Variants in TCEA3 observed in about 807,000 individuals in gnomAD.
TCEA3 encodes the protein transcription elongation factor A protein 3.
TCEA3 carries 36 observed loss-of-function variants against 44.0 expected under a neutral mutation model. The observed-to-expected ratio is 0.82, with a 90% CI of 0.63 to 1.08. TCEA3 has a LOEUF of 1.08. Among genes scored for constraint, TCEA3 ranks in the 50% least tolerant of loss-of-function variants. TCEA3 has a pLI of 0.00. For synonymous variants in TCEA3, 162 were observed against 159.7 expected (o/e 1.01, Z -0.11); for missense variants, 392 against 441.2 (o/e 0.89, Z 1.00).
chr1:23,384,043 T>C, intron 10 of TCEA3: 1 of 1,243,572 alleles, frequency 8.0e-7, no homozygotes, highest in African/African-American at 1.5e-5. Flanking sequence ...TCCTCTCCTC[T>C]GTGGATCTCA....
At chr1:23,420,378 A>G (rs1253156498) in intron 1 of TCEA3, among the ~76,000 whole-genome samples, 2 of 152,284 alleles carry the variant, frequency 1.3e-5, no homozygotes, top group East Asian at 3.9e-4. Context: ...AATAGCTGGG[A>G]CCACAGGTAT....
At chr1:23,424,531 G>A (rs565458986) in intron 1 of TCEA3, 34 bp downstream of exon 1, 1 of 1,587,654 alleles carries the variant, frequency 6.3e-7, no homozygotes, top group East Asian at 2.3e-5. Context: ...GCCTCCCGGG[G>A]GCGGGGGCCG....
Position 23,417,268 on chromosome 1 carries a change from G to T in TCEA3, c.361C>A (p.Arg121=). 6.2e-7 allele frequency: 1 copy of T among 1,613,818 alleles called. No homozygotes were observed. Among genetic ancestry groups the T allele is most frequent in the South Asian group, 1.1e-5 (1 of 91,054 alleles). The change falls in exon 4 of 11, where the codon CGA becomes AGA. Residue 121 remains arginine, a synonymous_variant. Coordinates refer to ENST00000450454, the MANE Select transcript of TCEA3 (RefSeq NM_003196.3). Reference sequence around the variant, plus strand: ...GAATACCTGGTTTTGGGGTCTTCTCGTTTTTTCCTTGGTGGAGAAAGGCCT... The same window carrying T: ...GAATACCTGGTTTTGGGGTCTTCTCTTTTTTTCCTTGGTGGAGAAAGGCCT... The part of the protein sequence containing the change: ...EAGLSPPRKK[R]EDPKTRRDSV...
chr1:23,397,966 CA>C lies in TCEA3; in HGVS notation c.444-12del. The C allele has an allele frequency of 6.2e-7, 1 of 1,613,092 alleles. No homozygotes were observed. The highest frequency in any genetic ancestry group is 8.5e-7 in the Non-Finnish European group (1 of 1,179,582). The stretch of plus-strand genomic sequence containing the variant: ...TTGCTGCTGTTTGATCTGAGGATGA[CA>C]ATAAGTAACAGACATTTGACATTAA... On this transcript the variant is annotated splice_polypyrimidine_tract_variant and intron_variant, in intron 5 of 10. Transcript: ENST00000450454.
chr1:23,397,449 T>G (rs1281539050), intron 7 of TCEA3, 96 bp downstream of exon 7: 2 of 1,155,124 alleles, frequency 1.7e-6, no homozygotes, highest in South Asian at 2.8e-5. Context: ...CCCGGAGCCC[T>G]TCCTCTCCTT....
chr1:23,416,989 C>T (rs1161553916), intron 4 of TCEA3, among the ~76,000 whole-genome samples: 1 of 152,180 alleles, frequency 6.6e-6, no homozygotes, highest in East Asian at 1.9e-4. Context: ...TAGAGAAATG[C>T]TGGAGGCCCT....
intron 5 of TCEA3, among the ~76,000 whole-genome samples, chr1:23,404,972 C>T (rs535264021): frequency 1.3e-5 from 2 of 151,810 alleles, no homozygotes; most frequent in African/African-American, 4.8e-5. Flanking sequence ...AAGGTGGTGT[C>T]GGGGAGTTCC....
rs777705747 is a variant in TCEA3, at chr1:23,419,069, C to T, written c.132+8G>A. ...GCACTGTCCCAAGGCTTCCCACCCCCGCCCCACCTGTAGTAGCTGGATGGA... is the reference window on the plus strand; with the variant it reads ...GCACTGTCCCAAGGCTTCCCACCCCTGCCCCACCTGTAGTAGCTGGATGGA... On this transcript the variant is annotated splice_region_variant and intron_variant, in intron 2 of 10. Coordinates refer to ENST00000450454, the MANE Select transcript of TCEA3 (RefSeq NM_003196.3). The T allele has an allele frequency of 1.3e-5, 20 of 1,551,874 alleles. No individual in the cohort carries two copies. The Admixed American group carries it at 1.5e-4, about 11-fold the overall frequency.
At chr1:23,414,786 TAAGACAACTAA>T (rs1384308572) in intron 4 of TCEA3, among the ~76,000 whole-genome samples, 1 of 152,172 alleles carries the variant, frequency 6.6e-6, no homozygotes, top group East Asian at 1.9e-4. Flanking sequence ...ATCGCTAAAC[TAAGACAACTAA>T]AATATAATTA....
intron 4 of TCEA3, among the ~76,000 whole-genome samples, chr1:23,416,962 C>T (rs927816546): frequency 6.6e-6 from 1 of 152,222 alleles, no homozygotes; most frequent in Non-Finnish European, 1.5e-5. Flanking sequence ...CGTGCGGTCT[C>T]CTATGGGAAC....
At chr1:23,401,199 T>C (rs1368043895) in intron 5 of TCEA3, among the ~76,000 whole-genome samples, 1 of 152,150 alleles carries the variant, frequency 6.6e-6, no homozygotes, top group Non-Finnish European at 1.5e-5. Flanking sequence ...CCTGGACCTT[T>C]GGGATTTTTG....
At chr1:23,408,168 G>C (rs568861447) in intron 5 of TCEA3, among the ~76,000 whole-genome samples, 2 of 152,184 alleles carry the variant, frequency 1.3e-5, no homozygotes, top group Admixed American at 1.3e-4. Flanking sequence ...TGCCATGTTG[G>C]CCAGGCTGGT....
In TCEA3 at chr1:23,417,274, T is replaced by TG; in HGVS notation, c.354_355insC (p.Lys119GlnfsTer45). 1.9e-6 allele frequency: 3 copies of TG among 1,613,942 alleles called. No homozygotes were observed. Among genetic ancestry groups the TG allele is most frequent in the Non-Finnish European group, 2.5e-6 (3 of 1,179,882 alleles). The stretch of plus-strand genomic sequence containing the variant: ...CTGGTTTTGGGGTCTTCTCGTTTTT[T>TG]CCTTGGTGGAGAAAGGCCTGCTTCT... On this transcript the variant is annotated frameshift_variant, in exon 4 of 11. Transcript: ENST00000450454. LOFTEE classifies it high-confidence loss of function.
At chr1:23,387,151 C>CA (rs1301352825) in intron 9 of TCEA3, 122 bp downstream of exon 9, 65 of 1,316,866 alleles carry the variant, frequency 4.9e-5, no homozygotes, top group Non-Finnish European at 6.3e-5. Flanking sequence ...CCGCACCCGG[C>CA]AAAGCCTAGA....
chr1:23,414,085 T>C (rs1177693112), intron 4 of TCEA3, among the ~76,000 whole-genome samples: 1 of 151,470 alleles, frequency 6.6e-6, no homozygotes, highest in Non-Finnish European at 1.5e-5. Flanking sequence ...TTTATTTTAC[T>C]TTATTTTATT....
chr1:23,406,051 CT>C (rs1639535126), intron 5 of TCEA3, among the ~76,000 whole-genome samples: 1 of 152,150 alleles, frequency 6.6e-6, no homozygotes, highest in Non-Finnish European at 1.5e-5. Flanking sequence ...ATGACCCCTG[CT>C]GAGATCCACT....
Position 23,391,728 on chromosome 1 carries a change from G to A in TCEA3, c.819+2151C>T, listed in dbSNP as rs1394973713. Reference sequence around the variant, plus strand: ...ATCTGAGGTCAGGAGTTTGAGACCAGCCTGGCCAACATGGTGAAATCCCAT... The same window carrying A: ...ATCTGAGGTCAGGAGTTTGAGACCAACCTGGCCAACATGGTGAAATCCCAT... On this transcript the variant is annotated intron_variant, in intron 8 of 10. Transcript: ENST00000450454. 2.6e-5 allele frequency among the ~76,000 whole-genome samples: 4 copies of A among 152,120 alleles called. No individual in the cohort carries two copies. The East Asian group carries it at 7.8e-4, about 30-fold the overall frequency.
At chr1:23,407,231 A>G (rs1639569274) in intron 5 of TCEA3, among the ~76,000 whole-genome samples, 1 of 152,290 alleles carries the variant, frequency 6.6e-6, no homozygotes, top group Non-Finnish European at 1.5e-5. Flanking sequence ...TTTCCTGTCA[A>G]GATATATCCG....
At chr1:23,393,124 C>G (rs1225951619) in intron 8 of TCEA3, among the ~76,000 whole-genome samples, 3 of 151,964 alleles carry the variant, frequency 2.0e-5, no homozygotes, top group Non-Finnish European at 4.4e-5. Context: ...ACTTGGTTTC[C>G]TCGAATGCAC....
Sources: allele counts gnomAD v4.1 joint callset (sites outside exome capture counted in the v4.1 genomes callset), GRCh38; gene constraint gnomAD v4.1.1; transcripts MANE v1.5; gene names NCBI Gene and HGNC (gene_info 2026-07-23, HGNC 2026-07-21).